The following LYPD6B variants were observed in gnomAD, a reference collection of about 807,000 sequenced individuals.
LYPD6B encodes the protein LY6/PLAUR domain containing 6B.
In LYPD6B, 17 loss-of-function variants were observed where a neutral mutation model predicts 22.8. That is an observed-to-expected ratio of 0.75 (90% CI 0.51 to 1.12). LYPD6B has a LOEUF of 1.12. Among genes scored for constraint, LYPD6B ranks in the 50% most tolerant of loss-of-function variants. The pLI is 0.00. For missense variants in LYPD6B, 221 were observed against 258.3 expected (o/e 0.86, Z 0.99); for synonymous variants, 106 against 91.6 (o/e 1.16, Z -0.90).
intron 1 of LYPD6B, among the ~76,000 whole-genome samples, chr2:149,062,766 C>T (rs1684146597): frequency 6.6e-6 from 1 of 151,840 alleles, no homozygotes; most frequent in Non-Finnish European, 1.5e-5. Context: ...ATCATCATGT[C>T]CTGTGCTTCA....
At chr2:149,083,374 T>C (rs543532988) in intron 1 of LYPD6B, among the ~76,000 whole-genome samples, 275 of 152,344 alleles carry the variant, frequency 1.8e-3, no homozygotes, top group African/African-American at 6.4e-3. Context: ...TCTAATAATA[T>C]CTAGCACATT....
intron 1 of LYPD6B, among the ~76,000 whole-genome samples, chr2:149,102,807 T>G (rs1210985463): frequency 6.6e-6 from 1 of 152,106 alleles, no homozygotes; most frequent in Non-Finnish European, 1.5e-5. Context: ...TTTTTGTATT[T>G]GTTTTGTAGA....
rs189373957 is a variant in LYPD6B at position 149,209,857 on chromosome 2, C to A, written c.328+1445C>A. Among the ~76,000 whole-genome samples the A allele has an allele frequency of 7.9e-5, 12 of 152,060 alleles. 1 individual carries two copies. The East Asian group carries it at 2.1e-3, about 27-fold the overall frequency. ...AGGGATCATCCTTAAGTTGTGTGTG[C>A]GCTTATGAGTGTATGTGCATGCATG... On this transcript the variant is annotated intron_variant, in intron 5 of 6. Transcript: ENST00000409642.
chr2:149,121,367 G>A (rs150884183), intron 1 of LYPD6B, among the ~76,000 whole-genome samples: 155 of 152,256 alleles, frequency 1.0e-3, no homozygotes, highest in African/African-American at 3.7e-3. Flanking sequence ...GGGATGGTGA[G>A]TGCTTTTTCT....
chr2:149,172,101 G>A (rs942480583), intron 3 of LYPD6B, among the ~76,000 whole-genome samples: 4 of 152,188 alleles, frequency 2.6e-5, no homozygotes, highest in Admixed American at 2.6e-4. Flanking sequence ...GAGGCCTCAG[G>A]AAACTTACAA....
intron 1 of LYPD6B, among the ~76,000 whole-genome samples, chr2:149,104,909 G>T (rs1027217316): frequency 6.6e-6 from 1 of 152,108 alleles, no homozygotes; most frequent in Non-Finnish European, 1.5e-5. Context: ...AATTAAGAAA[G>T]TTTAAAATTT....
At chr2:149,203,189 A>C (rs965408740) in intron 3 of LYPD6B, among the ~76,000 whole-genome samples, 1 of 152,214 alleles carries the variant, frequency 6.6e-6, no homozygotes, top group African/African-American at 2.4e-5. Context: ...AGAGATGAGG[A>C]AGCCAAGACT....
chr2:149,134,637 A>T (rs1470778272), intron 2 of LYPD6B, among the ~76,000 whole-genome samples: 1 of 152,364 alleles, frequency 6.6e-6, no homozygotes. Context: ...CAACAACCCC[A>T]TTCTCTCACA....
intron 1 of LYPD6B, among the ~76,000 whole-genome samples, chr2:149,071,645 G>A (rs1684607957): frequency 6.6e-6 from 1 of 152,164 alleles, no homozygotes; most frequent in Non-Finnish European, 1.5e-5. Context: ...ACTGAGCACT[G>A]TCCTAGTACT....
rs72855892 is a variant in LYPD6B, at chr2:149,139,685, A to G, written c.5+8732A>G. Among the ~76,000 whole-genome samples, 359 of 152,296 alleles carry G rather than the reference A, an allele frequency of 2.4e-3. 1 individual carries two copies. Among genetic ancestry groups the G allele is most frequent in the Non-Finnish European group, 4.0e-3 (275 of 68,018 alleles). The stretch of plus-strand genomic sequence containing the variant: ...GCAACATAACTACTTTAAAACAAAT[A>G]TCTTATTCAAATTTGCCGTGTTTCA... On this transcript the variant is annotated intron_variant, in intron 2 of 6. Coordinates refer to ENST00000409642, the MANE Select transcript of LYPD6B (RefSeq NM_177964.5).
At chr2:149,075,916 C>G (rs10803789) in intron 1 of LYPD6B, among the ~76,000 whole-genome samples, 1 of 151,930 alleles carries the variant, frequency 6.6e-6, no homozygotes, top group Admixed American at 6.6e-5. Context: ...AAAAACATGC[C>G]GAGACAAAAG....
chr2:149,092,555 A>C (rs1685706153), intron 1 of LYPD6B, among the ~76,000 whole-genome samples: 2 of 152,222 alleles, frequency 1.3e-5, no homozygotes, highest in Admixed American at 1.3e-4. Flanking sequence ...TTAGCTGAGC[A>C]CATGGCCACC....
intron 1 of LYPD6B, among the ~76,000 whole-genome samples, chr2:149,093,820 A>G (rs912379693): frequency 2.0e-5 from 3 of 151,970 alleles, no homozygotes; most frequent in East Asian, 1.9e-4. Flanking sequence ...CCAATTTATG[A>G]TGGTTACTTT....
rs568481220 is a variant in LYPD6B at position 149,166,391 on chromosome 2, A to G, written c.77+5556A>G. ...GGCTCATAGTACCAATATGAGTTAC[A>G]ATAAGAAGTTACTTAACCTCTCTGT... On this transcript the variant is annotated intron_variant, in intron 3 of 6. Coordinates refer to ENST00000409642, the MANE Select transcript of LYPD6B (RefSeq NM_177964.5). Among the ~76,000 whole-genome samples the G allele has an allele frequency of 6.6e-5, 10 of 152,330 alleles. No homozygotes were observed. In the East Asian group the frequency reaches 1.7e-3, roughly 26 times the overall value.
At chr2:149,101,346 T>G (rs889716618) in intron 1 of LYPD6B, 1 of 152,274 alleles carries the variant, frequency 6.6e-6, no homozygotes, top group East Asian at 1.9e-4. Flanking sequence ...ATCCCTGTAT[T>G]GAGCAACTGC....
intron 3 of LYPD6B, among the ~76,000 whole-genome samples, chr2:149,167,354 C>G (rs929980421): frequency 6.6e-6 from 1 of 152,192 alleles, no homozygotes; most frequent in Non-Finnish European, 1.5e-5. Context: ...ATATATCTGG[C>G]AAACCTACCA....
chr2:149,038,809 G>A lies in LYPD6B; in HGVS notation c.-67+8G>A, dbSNP rs2105230470. 6.6e-6 allele frequency: 1 copy of A among 150,896 alleles called. No individual in the cohort carries two copies. The highest frequency in any genetic ancestry group is 1.9e-4 in the East Asian group (1 of 5,148). 9.3% of individuals were successfully genotyped at this position (150,896 alleles called of 1,614,324 possible). ...GTGGGCGCGGGCGGCGAGGTGAGCT[G>A]GGCCAGCGCAGCAGGCGGGGGCGGT... On this transcript the variant is annotated splice_region_variant and intron_variant, in intron 1 of 6. Transcript: ENST00000409642.
intron 1 of LYPD6B, among the ~76,000 whole-genome samples, chr2:149,076,609 G>A (rs1433825159): frequency 6.6e-6 from 1 of 151,972 alleles, no homozygotes; most frequent in East Asian, 1.9e-4. Context: ...TAATATTTAG[G>A]GTATGTTTTC....
Position 149,074,536 on chromosome 2 carries a change from G to C in LYPD6B, c.-67+35735G>C, listed in dbSNP as rs1684793338. ...CTGACTTCTAAGGGCACGCACAAAG[G>C]CTTTTGGCAATCAACTGTGAATCAA... On this transcript the variant is annotated intron_variant, in intron 1 of 6. Coordinates refer to ENST00000409642, the MANE Select transcript of LYPD6B (RefSeq NM_177964.5). Among the ~76,000 whole-genome samples the C allele has an allele frequency of 3.9e-5, 6 of 152,174 alleles. No homozygotes were observed. In the South Asian group the frequency reaches 1.2e-3, roughly 32 times the overall value.
Sources: allele counts gnomAD v4.1 joint callset (sites outside exome capture counted in the v4.1 genomes callset), GRCh38; gene constraint gnomAD v4.1.1; transcripts MANE v1.5; gene names NCBI Gene and HGNC (gene_info 2026-07-23, HGNC 2026-07-21).